The following ASTN1 variants were observed in gnomAD, a reference collection of about 807,000 sequenced individuals.
ASTN1 encodes astrotactin-1.
Under a neutral mutation model 140.7 loss-of-function variants are expected in ASTN1, and 41 were observed. That is an observed-to-expected ratio of 0.29 (90% CI 0.23 to 0.38). ASTN1 has a LOEUF of 0.38. ASTN1 is among the 10% of genes least tolerant of loss of function. The pLI is 1.00. For synonymous variants in ASTN1, 640 were observed against 652.2 expected, an observed-to-expected ratio of 0.98 and a Z score of 0.29; for missense variants, 1,479 against 1,678.8, an observed-to-expected ratio of 0.88 and a Z score of 2.08.
Position 177,088,938 on chromosome 1 carries a change from A to G in ASTN1, c.284-27673T>C, listed in dbSNP as rs757706262. Among the ~76,000 whole-genome samples the G allele has an allele frequency of 2.6e-4, 39 of 152,084 alleles. 1 individual carries two copies. The highest frequency in any genetic ancestry group is 1.9e-4 in the East Asian group (1 of 5,198). ...TTTCCTTAAGGTTAATAACAGTAAT[A>G]TTCATCTGATATGAACTACTTCACC... On this transcript the variant is annotated intron_variant, in intron 1 of 22. Coordinates refer to ENST00000361833, the MANE Select transcript of ASTN1 (RefSeq NM_004319.3).
chr1:177,091,639 A>G (rs1034952696), intron 1 of ASTN1, among the ~76,000 whole-genome samples: 3 of 152,170 alleles, frequency 2.0e-5, no homozygotes, highest in Non-Finnish European at 2.9e-5. Flanking sequence ...AACTATCACT[A>G]TTCTCTAATT....
At chr1:176,874,018 TC>T (rs1373045780) in intron 21 of ASTN1, among the ~76,000 whole-genome samples, 4 of 152,124 alleles carry the variant, frequency 2.6e-5, no homozygotes, top group Admixed American at 2.6e-4. Context: ...CTGCATCCCC[TC>T]CACCTGCTAA....
intron 1 of ASTN1, among the ~76,000 whole-genome samples, chr1:177,127,560 T>C (rs913792978): frequency 6.6e-6 from 1 of 152,198 alleles, no homozygotes; most frequent in Non-Finnish European, 1.5e-5. Context: ...CCACTCTGGC[T>C]ATGGTTTGTG....
At chr1:176,959,195 GTTTA>G (rs1181303205) in intron 9 of ASTN1, among the ~76,000 whole-genome samples, 1 of 152,108 alleles carries the variant, frequency 6.6e-6, no homozygotes. Flanking sequence ...GAGATTATTT[GTTTA>G]TTTATTCATT....
At chr1:176,908,175 A>C (rs912114461) in intron 16 of ASTN1, among the ~76,000 whole-genome samples, 1 of 151,800 alleles carries the variant, frequency 6.6e-6, no homozygotes, top group Non-Finnish European at 1.5e-5. Flanking sequence ...TTAGCTTTTT[A>C]ATTAAAGAAA....
At chr1:177,125,001 C>T (rs1166752348) in intron 1 of ASTN1, among the ~76,000 whole-genome samples, 2 of 152,190 alleles carry the variant, frequency 1.3e-5, no homozygotes, top group African/African-American at 4.8e-5. Flanking sequence ...CAGATGCTGG[C>T]AGAAGATAGC....
At chr1:176,951,373 T>G (rs764863937) in intron 11 of ASTN1, among the ~76,000 whole-genome samples, 1 of 152,236 alleles carries the variant, frequency 6.6e-6, no homozygotes, top group Non-Finnish European at 1.5e-5. Context: ...GGATGCAGGA[T>G]AGAAACCTGG....
At chr1:176,865,628 T>G (rs1277153709) in intron 22 of ASTN1, among the ~76,000 whole-genome samples, 2 of 152,228 alleles carry the variant, frequency 1.3e-5, no homozygotes, top group Non-Finnish European at 2.9e-5. Context: ...GAAACCTCAA[T>G]AAACACTATT....
chr1:176,989,730 T>C (rs958254361), intron 8 of ASTN1, among the ~76,000 whole-genome samples: 1 of 152,178 alleles, frequency 6.6e-6, no homozygotes, highest in Non-Finnish European at 1.5e-5. Flanking sequence ...TTGCTGATAA[T>C]GGACGAATAA....
chr1:177,149,506 G>GTAAATATATATAGTATATATATAT (rs1682915503), intron 1 of ASTN1, among the ~76,000 whole-genome samples: 1 of 56,416 alleles, frequency 1.8e-5, no homozygotes, highest in African/African-American at 9.6e-5. Flanking sequence ...TATATATATA[G>GTAAATATATATAGTATATATATAT]TAAATATATA....
chr1:176,887,275 C>T (rs775634355), intron 18 of ASTN1, among the ~76,000 whole-genome samples: 6 of 152,216 alleles, frequency 3.9e-5, no homozygotes, highest in Non-Finnish European at 7.3e-5. Context: ...ACACACTCAA[C>T]TACCCCATGA....
chr1:177,143,055 C>T (rs1299220177), intron 1 of ASTN1, among the ~76,000 whole-genome samples: 1 of 152,110 alleles, frequency 6.6e-6, no homozygotes, highest in Non-Finnish European at 1.5e-5. Flanking sequence ...TCTGCACAGC[C>T]CTCATGGCCA....
At position 177,024,833 on chromosome 1, in the gene ASTN1, T is replaced by C. The variant is rs552544581; in HGVS notation, c.1121-101A>G. 1,811 of 1,329,156 alleles carry C rather than the reference T, an allele frequency of 1.4e-3. 3 individuals carry two copies. The highest frequency in any genetic ancestry group is 1.7e-3 in the Non-Finnish European group (1,647 of 954,928). 82.3% of individuals were successfully genotyped at this position (1,329,156 alleles called of 1,614,324 possible). Reference sequence around the variant, plus strand: ...TCATCCTGGCAAACAGGGGAGACAGTTGGCAAAACTAGCCCATGGAGGGAA... The same window carrying C: ...TCATCCTGGCAAACAGGGGAGACAGCTGGCAAAACTAGCCCATGGAGGGAA... On this transcript the variant is annotated intron_variant, in intron 5 of 22. Coordinates refer to ENST00000361833, the MANE Select transcript of ASTN1 (RefSeq NM_004319.3).
chr1:176,995,153 G>T (rs1329796891), intron 8 of ASTN1, among the ~76,000 whole-genome samples: 2 of 152,294 alleles, frequency 1.3e-5, no homozygotes, highest in Admixed American at 6.5e-5. Flanking sequence ...TTCATTCAAT[G>T]AACATTTATT....
At chr1:177,085,956 A>G (rs184558783) in intron 1 of ASTN1, among the ~76,000 whole-genome samples, 17 of 152,264 alleles carry the variant, frequency 1.1e-4, no homozygotes, top group Admixed American at 3.9e-4. Flanking sequence ...TGGCAAGGTC[A>G]AAATTAGAAA....
intron 1 of ASTN1, among the ~76,000 whole-genome samples, chr1:177,077,762 G>C (rs1045339946): frequency 6.6e-6 from 1 of 152,164 alleles, no homozygotes. Flanking sequence ...TCTGGGGTAA[G>C]CTGCCTCCTC....
At chr1:177,136,505 A>T (rs934180253) in intron 1 of ASTN1, among the ~76,000 whole-genome samples, 33 of 152,028 alleles carry the variant, frequency 2.2e-4, no homozygotes, top group African/African-American at 8.0e-4. Flanking sequence ...GGTGCACCCC[A>T]CAACCGCCCA....
chr1:177,061,131 G>T lies in ASTN1; in HGVS notation c.418C>A (p.Pro140Thr). Residue 140 changes from proline (P) to threonine (T), a missense_variant, in exon 2 of 23, where the codon CCC (proline) becomes ACC (threonine). Around this residue, in one of 3 missense-constraint regions of ASTN1, gnomAD observed 729 missense variants for 860.4 expected, o/e 0.85. Transcript: ENST00000361833. Reference sequence around the variant, plus strand: ...TCCTCTTCTGCCGACTCATGTTGGGGTTCTTCAGTGGGGTCTTGTCCAGGA... The same window carrying T: ...TCCTCTTCTGCCGACTCATGTTGGGTTTCTTCAGTGGGGTCTTGTCCAGGA... Reference protein sequence around the residue: ...SLPGQDPTEEPQHESAEEELR... With the variant: ...SLPGQDPTEETQHESAEEELR... The T allele has an allele frequency of 6.2e-7, 1 of 1,611,790 alleles. No homozygotes were observed. Among genetic ancestry groups the T allele is most frequent in the Non-Finnish European group, 8.5e-7 (1 of 1,179,002 alleles).
chr1:176,958,208 G>A, intron 10 of ASTN1, 137 bp downstream of exon 10: 1 of 1,323,984 alleles, frequency 7.6e-7, no homozygotes, highest in Non-Finnish European at 1.0e-6. Context: ...GCACAACATA[G>A]GGGGAATTTG....
Sources: allele counts gnomAD v4.1 joint callset (sites outside exome capture counted in the v4.1 genomes callset), GRCh38; gene constraint gnomAD v4.1.1; regional missense constraint gnomAD v4.1.1; transcripts MANE v1.5; gene names NCBI Gene and HGNC (gene_info 2026-07-23, HGNC 2026-07-21).